The following DDX6 variants were observed in gnomAD, a reference collection of about 807,000 sequenced individuals.
DDX6 encodes probable ATP-dependent RNA helicase DDX6.
DDX6 carries 7 observed loss-of-function variants against 60.6 expected under a neutral mutation model. The observed-to-expected ratio is 0.12, with a 90% CI of 0.07 to 0.22. DDX6 has a LOEUF of 0.22. Ranked by LOEUF, DDX6 falls within the 10% of genes least tolerant of loss-of-function variation. The pLI is 1.00. For missense variants in DDX6, 270 were observed against 589.9 expected, an observed-to-expected ratio of 0.46 and a Z score of 5.62; for synonymous variants, 207 against 201.0, an observed-to-expected ratio of 1.03 and a Z score of -0.25.
At position 118,786,302 on chromosome 11, in the gene DDX6, T is replaced by C. The variant is rs971079362; in HGVS notation, c.-51A>G. ...AAACTTCAAAACTTTTGAAAGTCAGTAGAGAAACTGTAATAACAGTTTATT... is the reference window on the plus strand; with the variant it reads ...AAACTTCAAAACTTTTGAAAGTCAGCAGAGAAACTGTAATAACAGTTTATT... On this transcript the variant is annotated 5_prime_UTR_variant, in exon 2 of 14. Coordinates refer to ENST00000534980, the MANE Select transcript of DDX6 (RefSeq NM_004397.6). 3 of 1,500,746 alleles carry C rather than the reference T, an allele frequency of 2.0e-6. No individual in the cohort carries two copies. Among genetic ancestry groups the C allele is most frequent in the Admixed American group, 2.0e-5 (1 of 49,956 alleles). 93.0% of individuals were successfully genotyped at this position (1,500,746 alleles called of 1,614,324 possible). A position where few individuals can be genotyped will look rare whatever the true frequency, so the allele number is the denominator to read the frequency against.
chr11:118,780,141 A>AAAG (rs1861845803), intron 3 of DDX6, among the ~76,000 whole-genome samples: 1 of 143,576 alleles, frequency 7.0e-6, no homozygotes, highest in Non-Finnish European at 1.5e-5. Flanking sequence ...AAAAAAAAAA[A>AAAG]GGAAAGAAAA....
At chr11:118,769,290 T>C (rs1861457374) in intron 4 of DDX6, among the ~76,000 whole-genome samples, 1 of 152,182 alleles carries the variant, frequency 6.6e-6, no homozygotes, top group Admixed American at 6.6e-5. Flanking sequence ...AGGTCCTATT[T>C]GTCATTTATT....
chr11:118,791,270 A>G (rs1862269825), upstream of DDX6: 1 of 151,726 alleles, frequency 6.6e-6, no homozygotes, highest in Admixed American at 6.6e-5. Context: ...AGATGGCGAA[A>G]CCTCGGCCGC....
In DDX6 at chr11:118,751,085, A is replaced by G. The variant is rs1304207196; in HGVS notation, c.*1020T>C. On this transcript the variant is annotated 3_prime_UTR_variant, in exon 14 of 14. Coordinates refer to ENST00000534980, the MANE Select transcript of DDX6 (RefSeq NM_004397.6). Reference sequence around the variant, plus strand: ...TATATATGTATATATATATATATATATGAACCCAGAAAAAAAACTTATTTA... The same window carrying G: ...TATATATGTATATATATATATATATGTGAACCCAGAAAAAAAACTTATTTA... 1 of 106,778 alleles carries G rather than the reference A, an allele frequency of 9.4e-6. No homozygotes were observed. Among genetic ancestry groups the G allele is most frequent in the African/African-American group, 3.7e-5 (1 of 27,258 alleles). The allele number at this position is 106,778 out of a possible 1,614,324, so 6.6% of individuals were successfully genotyped here. A position where few individuals can be genotyped will look rare whatever the true frequency, so the allele number is the denominator to read the frequency against.
Position 118,755,387 on chromosome 11 carries a change from CTCT to C in DDX6, c.1276+12_1276+14del, listed in dbSNP as rs1555158505. 1 of 1,528,692 alleles carries C rather than the reference CTCT, an allele frequency of 6.5e-7. No homozygotes were observed. 94.7% of individuals were successfully genotyped at this position (1,528,692 alleles called of 1,614,324 possible). ...AAAGAACTTCTACCAAGAATATCAC[CTCT>C]TTTTTCCTCACCTGATCTTCCAATA... On this transcript the variant is annotated intron_variant, in intron 12 of 13. Transcript: ENST00000534980.
intron 4 of DDX6, among the ~76,000 whole-genome samples, chr11:118,775,083 G>A (rs576790433): frequency 6.6e-6 from 1 of 152,314 alleles, no homozygotes; most frequent in South Asian, 2.1e-4. Flanking sequence ...GGGAGGCCGA[G>A]GAGAGTGGAT....
At chr11:118,760,148 T>G in intron 7 of DDX6, 104 bp from the exon 8 acceptor site, 2 of 1,079,898 alleles carry the variant, frequency 1.9e-6, no homozygotes, top group Non-Finnish European at 2.6e-6. Flanking sequence ...AAAGCATCCA[T>G]GAAATGTTCC....
Position 118,781,700 on chromosome 11 carries a change from G to T in DDX6, c.201-516C>A. 2.6e-5 allele frequency among the ~76,000 whole-genome samples: 4 copies of T among 151,382 alleles called. No individual in the cohort carries two copies. In the South Asian group the frequency reaches 8.4e-4, roughly 32 times the overall value. On this transcript the variant is annotated intron_variant, in intron 2 of 13. Coordinates refer to ENST00000534980, the MANE Select transcript of DDX6 (RefSeq NM_004397.6). ...CCCAGCACTTTGGGAGGCCAAGGTG[G>T]GCGGATCACTTGAGGTCAGGAGTTC...
chr11:118,773,308 G>A (rs1014367767), intron 4 of DDX6, among the ~76,000 whole-genome samples: 4 of 152,054 alleles, frequency 2.6e-5, no homozygotes, highest in Non-Finnish European at 4.4e-5. Context: ...GGTGGCTCAC[G>A]CCTGTAATCC....
chr11:118,776,903 G>C (rs1861720227), intron 4 of DDX6, among the ~76,000 whole-genome samples: 1 of 151,058 alleles, frequency 6.6e-6, no homozygotes. Context: ...CTACATCATA[G>C]TAGATTCCTA....
chr11:118,770,501 C>G lies in DDX6; in HGVS notation c.370-2149G>C, dbSNP rs561341913. 3.9e-5 allele frequency among the ~76,000 whole-genome samples: 6 copies of G among 152,288 alleles called. No homozygotes were observed. In the East Asian group the frequency reaches 1.2e-3, roughly 29 times the overall value. On this transcript the variant is annotated intron_variant, in intron 4 of 13. Coordinates refer to ENST00000534980, the MANE Select transcript of DDX6 (RefSeq NM_004397.6). ...TAAATAAGCAGGATGACTTCCATCT[C>G]CCACGACAACACTCTTTCTACCTAG...
chr11:118,777,976 AAG>A (rs1377642337), intron 4 of DDX6, among the ~76,000 whole-genome samples: 4 of 151,686 alleles, frequency 2.6e-5, no homozygotes, highest in Non-Finnish European at 5.9e-5. Context: ...ACCAGGCTGA[AAG>A]AGCTTACATT....
chr11:118,769,998 G>A (rs1267987524), intron 4 of DDX6, among the ~76,000 whole-genome samples: 9 of 151,832 alleles, frequency 5.9e-5, no homozygotes, highest in Admixed American at 4.6e-4. Context: ...GTGAGCCAGC[G>A]CGCCGGGCCA....
At chr11:118,772,540 T>C (rs1378562366) in intron 4 of DDX6, among the ~76,000 whole-genome samples, 5 of 152,216 alleles carry the variant, frequency 3.3e-5, no homozygotes, top group Admixed American at 3.3e-4. Flanking sequence ...TTTGTGGGAC[T>C]GATCAAAATG....
intron 13 of DDX6, 93 bp downstream of exon 13, chr11:118,754,612 T>C: frequency 8.8e-7 from 1 of 1,132,200 alleles, no homozygotes; most frequent in African/African-American, 1.6e-5. Flanking sequence ...TTATTGCTAT[T>C]ATATATGGTG....
At chr11:118,763,852 A>AAAGAAAG (rs10674863) in intron 6 of DDX6, among the ~76,000 whole-genome samples, 2 of 146,342 alleles carry the variant, frequency 1.4e-5, no homozygotes, top group African/African-American at 2.6e-5. Context: ...AAAAAAAAAA[A>AAAGAAAG]AAAGAAAGAA....
intron 13 of DDX6, among the ~76,000 whole-genome samples, chr11:118,754,206 G>T (rs919079432): frequency 6.6e-6 from 1 of 152,224 alleles, no homozygotes; most frequent in Non-Finnish European, 1.5e-5. Flanking sequence ...AAGGCAGGAG[G>T]ACTGCTGGAG....
intron 11 of DDX6, among the ~76,000 whole-genome samples, chr11:118,756,010 TCCCCCTCCCC>T (rs1428386231): frequency 2.5e-5 from 1 of 39,350 alleles, no homozygotes; most frequent in Non-Finnish European, 4.6e-5. Context: ...AAAGATTCCA[TCCCCCTCCCC>T]CCCCCCCCCA....
At chr11:118,775,095 G>A (rs782047775) in intron 4 of DDX6, among the ~76,000 whole-genome samples, 18 of 152,094 alleles carry the variant, frequency 1.2e-4, no homozygotes, top group South Asian at 6.2e-4. Context: ...AGAGTGGATC[G>A]CCTGAGGTCA....
Sources: allele counts gnomAD v4.1 joint callset (sites outside exome capture counted in the v4.1 genomes callset), GRCh38; gene constraint gnomAD v4.1.1; transcripts MANE v1.5; gene names NCBI Gene and HGNC (gene_info 2026-07-23, HGNC 2026-07-21).